HSPA12A: variants seen among roughly 807,000 people sequenced by gnomAD.
The protein encoded by HSPA12A is heat shock protein family A (Hsp70) member 12A, also known as heat shock 70 kDa protein 12A.
In HSPA12A, 28 loss-of-function variants were observed where a neutral mutation model predicts 69.2. That is an observed-to-expected ratio of 0.40 (90% CI 0.30 to 0.55). HSPA12A has a LOEUF of 0.55. Among genes scored for constraint, HSPA12A ranks in the 20% least tolerant of loss-of-function variants. The probability of loss-of-function intolerance (pLI) is 0.38; values close to 1 mark genes in which losing one functional copy is unlikely to be tolerated. For missense variants in HSPA12A, 686 were observed against 900.7 expected, an observed-to-expected ratio of 0.76 and a Z score of 3.05; for synonymous variants, 345 against 370.5, an observed-to-expected ratio of 0.93 and a Z score of 0.79.
chr10:116,798,147 C>T (rs575141795), intron 2 of HSPA12A, among the ~76,000 whole-genome samples: 1 of 151,144 alleles, frequency 6.6e-6, no homozygotes, highest in South Asian at 2.1e-4. Context: ...AACTGGACTT[C>T]CCTCAATGTG....
chr10:116,769,595 G>A (rs182484461), intron 2 of HSPA12A, among the ~76,000 whole-genome samples: 571 of 152,238 alleles, frequency 3.8e-3, no homozygotes, highest in African/African-American at 0.011. Flanking sequence ...ACATTGGCTC[G>A]GCCCAGGGCA....
intron 2 of HSPA12A, among the ~76,000 whole-genome samples, chr10:116,783,448 T>C (rs1554892024): frequency 6.6e-6 from 1 of 152,160 alleles, no homozygotes; most frequent in African/African-American, 2.4e-5. Flanking sequence ...TGTCAAGCAC[T>C]GAATGAATGA....
At chr10:116,756,350 T>G (rs1206579355) in intron 2 of HSPA12A, among the ~76,000 whole-genome samples, 3 of 152,250 alleles carry the variant, frequency 2.0e-5, no homozygotes, top group Non-Finnish European at 4.4e-5. Context: ...CTGGCTGGTG[T>G]GCTTGTGAGA....
intron 2 of HSPA12A, among the ~76,000 whole-genome samples, chr10:116,776,138 G>A (rs1844332578): frequency 6.6e-6 from 1 of 152,126 alleles, no homozygotes; most frequent in East Asian, 1.9e-4. Context: ...CCCTGTTTTG[G>A]GTGACCACCT....
At chr10:116,761,651 G>A (rs925029413) in intron 2 of HSPA12A, among the ~76,000 whole-genome samples, 3 of 152,002 alleles carry the variant, frequency 2.0e-5, no homozygotes, top group African/African-American at 7.2e-5. Context: ...GAGCCCAGGA[G>A]CAGAGATCGT....
intron 6 of HSPA12A, among the ~76,000 whole-genome samples, chr10:116,687,568 C>G (rs551748108): frequency 6.6e-6 from 1 of 152,192 alleles, no homozygotes; most frequent in Non-Finnish European, 1.5e-5. Context: ...GCTAAAGTAT[C>G]GCCCAGGCTC....
intron 2 of HSPA12A, among the ~76,000 whole-genome samples, chr10:116,769,613 G>T (rs1844153903): frequency 6.6e-6 from 1 of 152,300 alleles, no homozygotes; most frequent in Non-Finnish European, 1.5e-5. Flanking sequence ...GCAGCTGCAG[G>T]ATCGATTCCC....
chr10:116,695,360 C>T (rs1311543252), intron 5 of HSPA12A, among the ~76,000 whole-genome samples: 1 of 152,116 alleles, frequency 6.6e-6, no homozygotes, highest in Non-Finnish European at 1.5e-5. Context: ...ATGAGAGCTC[C>T]GGTCTCAGGA....
chr10:116,716,441 T>G (rs1448290588), intron 1 of HSPA12A, among the ~76,000 whole-genome samples: 3 of 129,032 alleles, frequency 2.3e-5, no homozygotes, highest in African/African-American at 3.0e-5. Context: ...AAGGCAGGTG[T>G]GTGTTGGGGG....
chr10:116,673,827 TGAA>T lies in HSPA12A; in HGVS notation c.*951_*953del, dbSNP rs1296192026. 2 of 152,144 alleles carry T rather than the reference TGAA, an allele frequency of 1.3e-5. No individual in the cohort carries two copies. The highest frequency in any genetic ancestry group is 4.8e-5 in the African/African-American group (2 of 41,422). The allele number at this position is 152,144 out of a possible 1,614,324, so 9.4% of individuals were successfully genotyped here. ...TAAATGGCCAAAACTCTTAGGGAGA[TGAA>T]GGTGAGTGGGAAGGAGGGGGTTAAT... On this transcript the variant is annotated 3_prime_UTR_variant, in exon 12 of 12. Coordinates refer to ENST00000369209, the MANE Select transcript of HSPA12A (RefSeq NM_025015.3).
intron 1 of HSPA12A, among the ~76,000 whole-genome samples, chr10:116,727,749 T>G (rs1589665443): frequency 1.8e-5 from 2 of 109,314 alleles, no homozygotes; most frequent in African/African-American, 6.5e-5. Flanking sequence ...CTAATGTAAG[T>G]GGGTTTTTTT....
At chr10:116,726,420 T>C (rs550297396) in intron 1 of HSPA12A, among the ~76,000 whole-genome samples, 1 of 152,154 alleles carries the variant, frequency 6.6e-6, no homozygotes, top group East Asian at 1.9e-4. Flanking sequence ...TTCAGAGTTA[T>C]ATACGCACAT....
chr10:116,690,072 C>G (rs1554879982), intron 6 of HSPA12A, among the ~76,000 whole-genome samples: 1 of 152,198 alleles, frequency 6.6e-6, no homozygotes, highest in Non-Finnish European at 1.5e-5. Flanking sequence ...AGGTACATAT[C>G]TTTCTTATTC....
At chr10:116,694,191 C>T (rs1849815651) in intron 5 of HSPA12A, among the ~76,000 whole-genome samples, 1 of 152,192 alleles carries the variant, frequency 6.6e-6, no homozygotes, top group Non-Finnish European at 1.5e-5. Flanking sequence ...AATTGACCAT[C>T]TCATGTGTCA....
chr10:116,723,940 T>C lies in HSPA12A; in HGVS notation c.41-16655A>G, dbSNP rs540740995. Among the ~76,000 whole-genome samples the C allele has an allele frequency of 9.8e-5, 15 of 152,322 alleles. No individual in the cohort carries two copies. The highest frequency in any genetic ancestry group is 3.6e-4 in the African/African-American group (15 of 41,572). On this transcript the variant is annotated intron_variant, in intron 1 of 11. Coordinates refer to ENST00000369209, the MANE Select transcript of HSPA12A (RefSeq NM_025015.3). This position sits in a 1 kb window ranked among gnomAD's most constrained non-coding sequence, Gnocchi z 4.1. Reference sequence around the variant, plus strand: ...CCAGCGGGTCACCTGTACCCAGGCATAGACAGCACTCTGCTGAGCCATCCA... The same window carrying C: ...CCAGCGGGTCACCTGTACCCAGGCACAGACAGCACTCTGCTGAGCCATCCA...
intron 2 of HSPA12A, among the ~76,000 whole-genome samples, chr10:116,793,487 C>T (rs548848304): frequency 3.0e-4 from 45 of 152,144 alleles, no homozygotes; most frequent in Non-Finnish European, 5.7e-4. Flanking sequence ...GGGAGGACTG[C>T]TTGAACCTGG....
intron 2 of HSPA12A, among the ~76,000 whole-genome samples, chr10:116,755,751 T>G (rs2133093728): frequency 6.8e-6 from 1 of 147,498 alleles, no homozygotes; most frequent in South Asian, 2.1e-4. Flanking sequence ...GCGAATGGCA[T>G]GAGCCCAGGA....
At chr10:116,774,781 C>T (rs2133124489) in intron 2 of HSPA12A, among the ~76,000 whole-genome samples, 1 of 152,296 alleles carries the variant, frequency 6.6e-6, no homozygotes. Context: ...CCCACGTGGC[C>T]CTGGCCTGAC....
intron 2 of HSPA12A, among the ~76,000 whole-genome samples, chr10:116,785,458 G>A (rs1330910216): frequency 6.6e-6 from 1 of 152,080 alleles, no homozygotes; most frequent in East Asian, 1.9e-4. Flanking sequence ...AGGGCATTGT[G>A]ACAGAAATGT....
Sources: allele counts gnomAD v4.1 joint callset (sites outside exome capture counted in the v4.1 genomes callset), GRCh38; gene constraint gnomAD v4.1.1; non-coding constraint Gnocchi (gnomAD v3.1); transcripts MANE v1.5; gene names NCBI Gene and HGNC (gene_info 2026-07-23, HGNC 2026-07-21).